The following SLC17A1 variants were observed in gnomAD, a reference collection of about 807,000 sequenced individuals.
SLC17A1 encodes the protein sodium-dependent phosphate transport protein 1.
A neutral mutation model predicts 53.5 loss-of-function variants in SLC17A1; 51 were observed. That is an observed-to-expected ratio of 0.95 (90% CI 0.76 to 1.20). The LOEUF (loss-of-function observed/expected upper bound fraction) is 1.20. Among genes scored for constraint, SLC17A1 ranks in the 50% most tolerant of loss-of-function variants. SLC17A1 has a pLI of 0.00. For synonymous variants in SLC17A1, 179 were observed against 198.8 expected (o/e 0.90, Z 0.84); for missense variants, 538 against 568.2 (o/e 0.95, Z 0.54).
intron 3 of SLC17A1, among the ~76,000 whole-genome samples, chr6:25,823,665 G>T (rs1764641843): frequency 6.6e-6 from 1 of 151,872 alleles, no homozygotes; most frequent in South Asian, 2.1e-4. Context: ...ATTGGGTTGT[G>T]TTTTTTAATT....
chr6:25,748,012 A>C, the SLC17A1 span, among the ~76,000 whole-genome samples: 8 of 152,236 alleles, frequency 5.3e-5, no homozygotes, highest in Non-Finnish European at 1.0e-4. Flanking sequence ...CTAGAAGGGC[A>C]TATGTGTATA....
chr6:25,744,305 G>A, the SLC17A1 span, among the ~76,000 whole-genome samples: 13 of 152,320 alleles, frequency 8.5e-5, no homozygotes, highest in African/African-American at 3.1e-4. Context: ...TGGATGGATT[G>A]CAATGGGGAA....
At position 25,812,925 on chromosome 6, in the gene SLC17A1, G is replaced by T; in HGVS notation, c.803C>A (p.Ser268Tyr). ...CCAGAAAAACGTAAAACTACCAGTGGAAATAGCCCAGACTGGAAGCGACTT... is the reference window on the plus strand; with the variant it reads ...CCAGAAAAACGTAAAACTACCAGTGTAAATAGCCCAGACTGGAAGCGACTT... ...ILKSLPVWAI[S>Y]TGSFTFFWSH... The change falls in exon 8 of 13, where the codon TCC becomes TAC. Residue 268 changes from serine to tyrosine, a missense_variant. Ser to Tyr is a moderately radical substitution (Grantham distance 144). Transcript: ENST00000244527. The T allele has an allele frequency of 6.2e-7, 1 of 1,613,852 alleles. No homozygotes were observed. The highest frequency in any genetic ancestry group is 8.5e-7 in the Non-Finnish European group (1 of 1,179,710).
the SLC17A1 span, chr6:25,770,568 G>A: frequency 9.1e-7 from 1 of 1,096,112 alleles, no homozygotes; most frequent in Non-Finnish European, 1.4e-6. Flanking sequence ...CAATCTCTGT[G>A]TCTTCATAGT....
chr6:25,768,855 TACAGAGGA>T, the SLC17A1 span: 2 of 855,412 alleles, frequency 2.3e-6, no homozygotes, highest in Non-Finnish European at 3.7e-6. Context: ...ACTACACACC[TACAGAGGA>T]ATGTCTGCTC....
At chr6:25,817,243 G>A (rs577195752) in intron 6 of SLC17A1, among the ~76,000 whole-genome samples, 23 of 152,270 alleles carry the variant, frequency 1.5e-4, no homozygotes, top group Admixed American at 7.8e-4. Context: ...TACAGTTATT[G>A]TCGTATTCTT....
chr6:25,780,911 G>C (rs7749149), downstream of SLC17A1: 1 of 151,878 alleles, frequency 6.6e-6, no homozygotes, highest in Non-Finnish European at 1.5e-5. Flanking sequence ...TATATTAATG[G>C]GGATGCCTCT....
chr6:25,726,915 G>C, the SLC17A1 span: 1 of 1,612,162 alleles, frequency 6.2e-7, no homozygotes, highest in East Asian at 2.2e-5. Flanking sequence ...AGCTATGCCG[G>C]AGGTGTCATC....
At chr6:25,794,990 A>G (rs1385647234) in intron 12 of SLC17A1, among the ~76,000 whole-genome samples, 1 of 152,186 alleles carries the variant, frequency 6.6e-6, no homozygotes, top group African/African-American at 2.4e-5. Context: ...TGATTCCACA[A>G]ATAAAATGCC....
At chr6:25,827,551 C>T (rs1183374211) in intron 2 of SLC17A1, among the ~76,000 whole-genome samples, 1 of 152,132 alleles carries the variant, frequency 6.6e-6, no homozygotes, top group African/African-American at 2.4e-5. Context: ...CCCCCTCCAT[C>T]TCCAAAATCA....
rs1764475335 is a variant in SLC17A1 at position 25,819,547 on chromosome 6, G to A, written c.493C>T (p.Leu165=). 3 of 1,614,056 alleles carry A rather than the reference G, an allele frequency of 1.9e-6. No homozygotes were observed. Among genetic ancestry groups the A allele is most frequent in the Non-Finnish European group, 2.5e-6 (3 of 1,179,902 alleles). The part of the protein sequence containing the change: ...FEIYVKWAPP[L]ERGRLTSMST... ...ATAGAAGTAAGTCGGCCTCGTTCCA[G>A]GGGAGGAGCCCATTTGACATATATT... Residue 165 remains leucine (L), a synonymous_variant, in exon 5 of 13, where the codon CTG becomes TTG. Coordinates refer to ENST00000244527, the MANE Select transcript of SLC17A1 (RefSeq NM_005074.5).
At chr6:25,802,711 G>A (rs1402060958) in intron 10 of SLC17A1, among the ~76,000 whole-genome samples, 3 of 151,718 alleles carry the variant, frequency 2.0e-5, no homozygotes, top group Non-Finnish European at 4.4e-5. Flanking sequence ...CATTGTTTCT[G>A]TTAAGAAGGC....
At chr6:25,747,463 A>G in the SLC17A1 span, among the ~76,000 whole-genome samples, 1 of 152,190 alleles carries the variant, frequency 6.6e-6, no homozygotes, top group East Asian at 1.9e-4. Context: ...ATGTCAGTAA[A>G]TCAGCCAACA....
the SLC17A1 span, chr6:25,731,743 C>T: frequency 3.0e-3 from 4,188 of 1,376,378 alleles, 64 homozygotes; most frequent in African/African-American, 0.042. Flanking sequence ...CTTAAAAGAG[C>T]CTTTGGTTTG....
chr6:25,811,610 G>C (rs980510117), intron 9 of SLC17A1, 28 bp downstream of exon 9: 1 of 1,613,698 alleles, frequency 6.2e-7, no homozygotes, highest in South Asian at 1.1e-5. Context: ...TATCTCCCAA[G>C]TGCTTAAATG....
chr6:25,804,018 T>C (rs1191662568), intron 10 of SLC17A1, among the ~76,000 whole-genome samples: 2 of 152,206 alleles, frequency 1.3e-5, no homozygotes, highest in African/African-American at 2.4e-5. Flanking sequence ...CATAAGGATA[T>C]ACTTTTCACA....
intron 11 of SLC17A1, among the ~76,000 whole-genome samples, 155 bp downstream of exon 11, chr6:25,800,735 G>A (rs1423150709): frequency 3.9e-5 from 6 of 152,104 alleles, no homozygotes; most frequent in Non-Finnish European, 8.8e-5. Context: ...TTGTAGATTT[G>A]GAGAGATGCC....
chr6:25,774,524 G>A, the SLC17A1 span, among the ~76,000 whole-genome samples: 8 of 152,190 alleles, frequency 5.3e-5, no homozygotes, highest in Non-Finnish European at 1.2e-4. Flanking sequence ...AGATTAGAAA[G>A]CCCCAGGAGG....
chr6:25,746,476 TG>T, the SLC17A1 span, among the ~76,000 whole-genome samples: 2 of 152,084 alleles, frequency 1.3e-5, no homozygotes, highest in Admixed American at 1.3e-4. Context: ...CTTAATAAAC[TG>T]GGGGTAATGG....
Sources: allele counts gnomAD v4.1 joint callset (sites outside exome capture counted in the v4.1 genomes callset), GRCh38; gene constraint gnomAD v4.1.1; transcripts MANE v1.5; gene names NCBI Gene and HGNC (gene_info 2026-07-23, HGNC 2026-07-21).